The following CCSER1 variants were observed in gnomAD, a reference collection of about 807,000 sequenced individuals.
CCSER1 encodes coiled-coil serine rich protein 1, also known as serine-rich coiled-coil domain-containing protein 1.
CCSER1 carries 41 observed loss-of-function variants against 82.0 expected under a neutral mutation model. The ratio of observed to expected loss-of-function variants is 0.50; its 90% CI spans 0.39 to 0.65. CCSER1 has a LOEUF of 0.65. CCSER1 is among the 30% of genes least tolerant of loss of function. CCSER1 has a pLI of 0.00. For missense variants in CCSER1, 1,119 were observed against 1,064.2 expected (o/e 1.05, Z -0.72); for synonymous variants, 414 against 383.9 (o/e 1.08, Z -0.92).
At chr4:91,356,367 A>G (rs1219917482) in intron 10 of CCSER1, among the ~76,000 whole-genome samples, 3 of 152,230 alleles carry the variant, frequency 2.0e-5, no homozygotes, top group Non-Finnish European at 2.9e-5. Flanking sequence ...TCTAATTTAC[A>G]TTTTTATTGA....
At chr4:90,301,766 C>A (rs1293664821) in intron 1 of CCSER1, among the ~76,000 whole-genome samples, 1 of 151,784 alleles carries the variant, frequency 6.6e-6, no homozygotes, top group Non-Finnish European at 1.5e-5. Flanking sequence ...TTATTTTATC[C>A]AATTTGGAAA....
At chr4:90,778,709 T>G (rs1753306224) in intron 7 of CCSER1, among the ~76,000 whole-genome samples, 1 of 151,976 alleles carries the variant, frequency 6.6e-6, no homozygotes, top group South Asian at 2.1e-4. Context: ...ATGTTTAAAC[T>G]AGAAGGCACC....
rs1245001554 is a variant in CCSER1 at position 91,162,191 on chromosome 4, T to A, written c.2217+76197T>A. ...TTTTCTGCATCTACTGAGATAATCA[T>A]GTGGTTTTTGTCTTTGGTTCTGTTT... On this transcript the variant is annotated intron_variant, in intron 10 of 10. Coordinates refer to ENST00000509176, the MANE Select transcript of CCSER1 (RefSeq NM_001145065.2). 1.3e-5 allele frequency among the ~76,000 whole-genome samples: 2 copies of A among 152,162 alleles called. 1 individual carries two copies. The highest frequency in any genetic ancestry group is 4.1e-4 in the South Asian group (2 of 4,824).
At chr4:91,584,563 C>T (rs944341307) in intron 10 of CCSER1, among the ~76,000 whole-genome samples, 10 of 151,412 alleles carry the variant, frequency 6.6e-5, no homozygotes, top group Admixed American at 2.0e-4. Flanking sequence ...CAAAATGTTT[C>T]ATCATTTGTT....
intron 10 of CCSER1, among the ~76,000 whole-genome samples, chr4:91,413,190 C>A (rs2149374520): frequency 6.6e-6 from 1 of 152,202 alleles, no homozygotes; most frequent in Admixed American, 6.5e-5. Context: ...CTCCTGTAAT[C>A]CCGGCACTTT....
chr4:91,541,423 C>T (rs1761591768), intron 10 of CCSER1, among the ~76,000 whole-genome samples: 2 of 152,168 alleles, frequency 1.3e-5, no homozygotes, highest in Non-Finnish European at 1.5e-5. Context: ...GTTCCCCTTC[C>T]TGTGTCCAAG....
At chr4:90,196,364 G>A (rs1382442492) in intron 1 of CCSER1, among the ~76,000 whole-genome samples, 1 of 151,958 alleles carries the variant, frequency 6.6e-6, no homozygotes, top group Non-Finnish European at 1.5e-5. Flanking sequence ...CAGATAGTGG[G>A]ATACTGATTG....
intron 4 of CCSER1, among the ~76,000 whole-genome samples, chr4:90,409,312 C>T (rs757146334): frequency 1.9e-4 from 29 of 152,088 alleles, no homozygotes; most frequent in Non-Finnish European, 3.8e-4. Flanking sequence ...AAGAGCAACT[C>T]CAAGAAACAT....
At chr4:91,223,406 GA>G (rs1737906668) in intron 10 of CCSER1, among the ~76,000 whole-genome samples, 1 of 152,002 alleles carries the variant, frequency 6.6e-6, no homozygotes, top group South Asian at 2.1e-4. Flanking sequence ...TTGGTCTCTA[GA>G]AGTCGGTTTA....
At chr4:90,219,690 T>C (rs1470479327) in intron 1 of CCSER1, among the ~76,000 whole-genome samples, 1 of 152,156 alleles carries the variant, frequency 6.6e-6, no homozygotes, top group African/African-American at 2.4e-5. Flanking sequence ...ATATGGACTA[T>C]TGTTCAGTTT....
chr4:90,503,861 C>A (rs1030636832), intron 5 of CCSER1, among the ~76,000 whole-genome samples: 2 of 152,056 alleles, frequency 1.3e-5, no homozygotes, highest in Non-Finnish European at 2.9e-5. Flanking sequence ...TAAACCTTAT[C>A]ATGACTTACA....
intron 9 of CCSER1, among the ~76,000 whole-genome samples, chr4:90,981,951 T>G (rs1400224726): frequency 6.6e-6 from 1 of 151,842 alleles, no homozygotes; most frequent in African/African-American, 2.4e-5. Context: ...TCCATCTTCC[T>G]GCACCCTTGC....
chr4:91,264,441 C>T (rs1329910132), intron 10 of CCSER1, among the ~76,000 whole-genome samples: 1 of 151,632 alleles, frequency 6.6e-6, no homozygotes, highest in Non-Finnish European at 1.5e-5. Context: ...AAAGTCATTC[C>T]AAATTAGCTT....
chr4:91,228,803 A>T (rs1009575784), intron 10 of CCSER1, among the ~76,000 whole-genome samples: 2 of 152,142 alleles, frequency 1.3e-5, no homozygotes, highest in African/African-American at 4.8e-5. Flanking sequence ...GTATCAATGA[A>T]CCAGAACATA....
chr4:91,527,089 T>A (rs1311071012), intron 10 of CCSER1, among the ~76,000 whole-genome samples: 1 of 152,148 alleles, frequency 6.6e-6, no homozygotes, highest in Non-Finnish European at 1.5e-5. Context: ...AAGGAAGCAA[T>A]GTGTTAATGC....
intron 9 of CCSER1, among the ~76,000 whole-genome samples, chr4:91,062,597 C>T (rs1365078533): frequency 6.6e-6 from 1 of 152,082 alleles, no homozygotes; most frequent in Non-Finnish European, 1.5e-5. Flanking sequence ...AACACTTTCC[C>T]CTTCTCTTGA....
At chr4:91,081,290 A>C (rs1263490617) in intron 9 of CCSER1, among the ~76,000 whole-genome samples, 1 of 152,236 alleles carries the variant, frequency 6.6e-6, no homozygotes, top group African/African-American at 2.4e-5. Context: ...TCATGTAAAC[A>C]GAACCAAAGA....
At chr4:90,748,853 T>A (rs1169104227) in intron 7 of CCSER1, among the ~76,000 whole-genome samples, 1 of 150,134 alleles carries the variant, frequency 6.7e-6, no homozygotes, top group Non-Finnish European at 1.5e-5. Flanking sequence ...AAGTGTCTGT[T>A]CATGTCCTTT....
intron 7 of CCSER1, among the ~76,000 whole-genome samples, chr4:90,786,687 C>A (rs141007821): frequency 1.3e-5 from 2 of 152,132 alleles, no homozygotes; most frequent in South Asian, 4.1e-4. Flanking sequence ...CATACCACAG[C>A]GATCAACAAT....
Sources: gnomAD v4.1 joint callset for allele counts (sites outside exome capture counted in the v4.1 genomes callset) on GRCh38, gnomAD v4.1.1 for gene constraint, MANE v1.5 for transcripts, NCBI Gene and HGNC (gene_info 2026-07-23, HGNC 2026-07-21) for gene names.